GALNT13: variants seen among roughly 807,000 people sequenced by gnomAD.
The protein encoded by GALNT13 is polypeptide N-acetylgalactosaminyltransferase 13.
In GALNT13, 28 loss-of-function variants were observed where a neutral mutation model predicts 64.2. The observed-to-expected ratio is 0.44, with a 90% CI of 0.32 to 0.60. The LOEUF (loss-of-function observed/expected upper bound fraction) is 0.60, where lower values mean the gene tolerates loss of function less well. Among genes scored for constraint, GALNT13 ranks in the 20% least tolerant of loss-of-function variants. The probability of loss-of-function intolerance (pLI) is 0.05; values close to 1 mark genes in which losing one functional copy is unlikely to be tolerated. For synonymous variants in GALNT13, 214 were observed against 224.6 expected (o/e 0.95, Z 0.42); for missense variants, 577 against 669.8 (o/e 0.86, Z 1.53).
the GALNT13 span, among the ~76,000 whole-genome samples, chr2:153,431,752 C>A: frequency 1.3e-5 from 2 of 152,172 alleles, no homozygotes; most frequent in South Asian, 4.1e-4. Context: ...AAAGGGATCA[C>A]CCATTTCTTT....
the GALNT13 span, among the ~76,000 whole-genome samples, chr2:153,102,174 C>G: frequency 2.0e-5 from 3 of 152,082 alleles, no homozygotes; most frequent in African/African-American, 7.2e-5. Flanking sequence ...GTGTCTCTGT[C>G]TTGCTCTGTC....
At chr2:153,222,790 C>T in the GALNT13 span, among the ~76,000 whole-genome samples, 1 of 152,204 alleles carries the variant, frequency 6.6e-6, no homozygotes, top group Non-Finnish European at 1.5e-5. Context: ...CAACTTTGCT[C>T]TGCCTGAAGT....
At chr2:153,996,547 T>C (rs2105206313) in intron 3 of GALNT13, among the ~76,000 whole-genome samples, 1 of 152,270 alleles carries the variant, frequency 6.6e-6, no homozygotes, top group African/African-American at 2.4e-5. Flanking sequence ...TATTGAATTG[T>C]GTGAGTTCTT....
intron 9 of GALNT13, among the ~76,000 whole-genome samples, chr2:154,359,599 A>G (rs1319357068): frequency 1.3e-5 from 2 of 152,118 alleles, no homozygotes; most frequent in African/African-American, 2.4e-5. Flanking sequence ...AGATCATCTG[A>G]TACAATGTAA....
rs143189779 is a variant in GALNT13 at position 153,926,691 on chromosome 2, C to T, written c.-104-17703C>T. On this transcript the variant is annotated intron_variant, in intron 2 of 12. Coordinates refer to ENST00000392825, the MANE Select transcript of GALNT13 (RefSeq NM_052917.4). Reference sequence around the variant, plus strand: ...GTTTTGTGAATAACCCTTGACAGTCCTTTGGGTCTGTTGGTCTATATTTGC... The same window carrying T: ...GTTTTGTGAATAACCCTTGACAGTCTTTTGGGTCTGTTGGTCTATATTTGC... 1.1e-4 allele frequency among the ~76,000 whole-genome samples: 16 copies of T among 152,090 alleles called. No individual in the cohort carries two copies. The East Asian group carries it at 3.1e-3, about 29-fold the overall frequency.
chr2:154,312,087 T>C (rs1694077196), intron 9 of GALNT13, among the ~76,000 whole-genome samples: 4 of 152,094 alleles, frequency 2.6e-5, no homozygotes. Context: ...GATTAAGAGA[T>C]TAAAGCAAAG....
upstream of GALNT13, among the ~76,000 whole-genome samples, chr2:153,867,093 T>C (rs1685780475): frequency 1.3e-5 from 2 of 152,228 alleles, no homozygotes; most frequent in South Asian, 2.1e-4. Context: ...ACCACTAAAA[T>C]AACAAATCAA....
chr2:153,124,286 A>C, the GALNT13 span, among the ~76,000 whole-genome samples: 163 of 152,358 alleles, frequency 1.1e-3, 1 homozygote, highest in African/African-American at 3.7e-3. Context: ...ATCCTGAGCC[A>C]GAGAACTCGA....
the GALNT13 span, among the ~76,000 whole-genome samples, chr2:153,659,219 T>G: frequency 2.3e-4 from 35 of 152,232 alleles, no homozygotes; most frequent in Non-Finnish European, 3.2e-4. Flanking sequence ...AGACATTTTT[T>G]GGGGCCCAAT....
the GALNT13 span, among the ~76,000 whole-genome samples, chr2:153,730,952 TTATAA>T: frequency 6.6e-6 from 1 of 151,816 alleles, no homozygotes; most frequent in Non-Finnish European, 1.5e-5. Context: ...AGAATGTAAA[TTATAA>T]TATATCTCCT....
the GALNT13 span, among the ~76,000 whole-genome samples, chr2:153,252,018 T>C: frequency 6.6e-6 from 1 of 151,654 alleles, no homozygotes; most frequent in East Asian, 1.9e-4. Flanking sequence ...ATGGTATTTC[T>C]AGTTCTAGAT....
chr2:153,911,448 C>T (rs1279346782), intron 2 of GALNT13, among the ~76,000 whole-genome samples: 1 of 152,032 alleles, frequency 6.6e-6, no homozygotes, highest in African/African-American at 2.4e-5. Context: ...GACCCTGTCG[C>T]AGTGTTTTTA....
chr2:153,152,962 C>T, the GALNT13 span, among the ~76,000 whole-genome samples: 8,874 of 151,994 alleles, frequency 0.058, 280 homozygotes, highest in East Asian at 0.099. Context: ...TTTCTATCTT[C>T]AGGTTTTTGA....
chr2:153,289,766 C>T, the GALNT13 span, among the ~76,000 whole-genome samples: 3 of 152,192 alleles, frequency 2.0e-5, no homozygotes, highest in Non-Finnish European at 2.9e-5. Flanking sequence ...AGCTAAACTG[C>T]AGGCCAGTGT....
At chr2:154,001,449 T>C (rs953560368) in intron 3 of GALNT13, among the ~76,000 whole-genome samples, 1 of 151,930 alleles carries the variant, frequency 6.6e-6, no homozygotes, top group African/African-American at 2.4e-5. Flanking sequence ...TTTTGCTCTG[T>C]GGTTATCATG....
At chr2:153,408,594 C>T in the GALNT13 span, among the ~76,000 whole-genome samples, 46 of 152,092 alleles carry the variant, frequency 3.0e-4, no homozygotes, top group South Asian at 6.2e-3. Flanking sequence ...ACGATTGTGC[C>T]GATTTACTCG....
the GALNT13 span, among the ~76,000 whole-genome samples, chr2:153,521,523 G>A: frequency 6.6e-6 from 1 of 152,012 alleles, no homozygotes; most frequent in Non-Finnish European, 1.5e-5. Context: ...TATAATTGAC[G>A]AACCCACAAT....
chr2:153,340,295 ATCTT>A, the GALNT13 span, among the ~76,000 whole-genome samples: 1 of 151,520 alleles, frequency 6.6e-6, no homozygotes, highest in Non-Finnish European at 1.5e-5. Context: ...AGCCTTTTGT[ATCTT>A]TATTTATTTA....
chr2:154,049,532 T>A (rs995015643), intron 3 of GALNT13, among the ~76,000 whole-genome samples: 1 of 148,068 alleles, frequency 6.8e-6, no homozygotes. Context: ...TATATATATA[T>A]GTATCACTAC....
Sources: gnomAD v4.1 joint callset for allele counts (sites outside exome capture counted in the v4.1 genomes callset) on GRCh38, gnomAD v4.1.1 for gene constraint, MANE v1.5 for transcripts, NCBI Gene and HGNC (gene_info 2026-07-23, HGNC 2026-07-21) for gene names.